Variants in COQ10B observed in about 807,000 individuals in gnomAD.
The protein encoded by COQ10B is coenzyme Q-binding protein COQ10 homolog B, mitochondrial.
COQ10B carries 12 observed loss-of-function variants against 27.6 expected under a neutral mutation model. That is an observed-to-expected ratio of 0.43 (90% confidence interval 0.28 to 0.70). COQ10B has a LOEUF of 0.70. COQ10B is among the 30% of genes least tolerant of loss of function. The pLI is 0.17. For missense variants in COQ10B, 278 were observed against 288.7 expected (o/e 0.96, Z 0.27); for synonymous variants, 115 against 103.0 (o/e 1.12, Z -0.71).
rs1235339781 is a variant in COQ10B, at chr2:197,463,725, G to A, written c.447+994G>A. On this transcript the variant is annotated intron_variant, in intron 3 of 4. Coordinates refer to ENST00000263960, the MANE Select transcript of COQ10B (RefSeq NM_025147.5). ...AGGTGGGTGGGTCACCCGAGGTCAG[G>A]AGCTTGAGATTAGCCTGGCCAACAT... Among the ~76,000 whole-genome samples, 5 of 150,598 alleles carry A rather than the reference G, an allele frequency of 3.3e-5. No homozygotes were observed. The Admixed American group carries it at 3.3e-4, about 10-fold the overall frequency.
chr2:197,473,210 C>T (rs2106060494), intron 4 of COQ10B, among the ~76,000 whole-genome samples: 1 of 151,370 alleles, frequency 6.6e-6, no homozygotes, highest in East Asian at 1.9e-4. Context: ...CCTTAGATAC[C>T]CAGTTCATAG....
At chr2:197,467,193 T>G (rs2085833446) in intron 3 of COQ10B, among the ~76,000 whole-genome samples, 1 of 152,062 alleles carries the variant, frequency 6.6e-6, no homozygotes, top group Non-Finnish European at 1.5e-5. Flanking sequence ...GTGATCTGCC[T>G]GCCTCGGCAT....
chr2:197,462,483 A>T (rs1273445732), intron 2 of COQ10B, 56 bp from the exon 3 acceptor site: 1 of 858,734 alleles, frequency 1.2e-6, no homozygotes, highest in Non-Finnish European at 1.8e-6. Context: ...TAAAGTATGC[A>T]TATATTATAT....
chr2:197,462,770 C>A, intron 3 of COQ10B, 39 bp downstream of exon 3: 2 of 1,212,298 alleles, frequency 1.6e-6, no homozygotes, highest in Non-Finnish European at 2.3e-6. Context: ...AATATTCTTC[C>A]ATATATTAAC....
chr2:197,468,847 A>G (rs2085851432), intron 3 of COQ10B, among the ~76,000 whole-genome samples: 1 of 152,102 alleles, frequency 6.6e-6, no homozygotes, highest in South Asian at 2.1e-4. Flanking sequence ...GGTCCCAGCT[A>G]CTTGGGAGGC....
rs184915731 is a variant in COQ10B at position 197,472,632 on chromosome 2, C to T, written c.550-1125C>T. Among the ~76,000 whole-genome samples the T allele has an allele frequency of 2.3e-3, 344 of 151,998 alleles. 6 individuals carry two copies. The highest frequency in any genetic ancestry group is 0.021 in the Admixed American group (315 of 15,244). On this transcript the variant is annotated intron_variant, in intron 4 of 4. Coordinates refer to ENST00000263960, the MANE Select transcript of COQ10B (RefSeq NM_025147.5). Reference sequence around the variant, plus strand: ...CAGCCTGGCCAACATGGTGAAACCCCGTCTCTACTGAAAATACAAAAATTA... The same window carrying T: ...CAGCCTGGCCAACATGGTGAAACCCTGTCTCTACTGAAAATACAAAAATTA...
At chr2:197,453,730 G>A in intron 1 of COQ10B, 66 bp downstream of exon 1, 3 of 1,364,938 alleles carry the variant, frequency 2.2e-6, no homozygotes, top group Non-Finnish European at 3.1e-6. Context: ...TTGGGGGACC[G>A]GAAGGATTTG....
At position 197,473,934 on chromosome 2, in the gene COQ10B, AG is replaced by A; in HGVS notation, c.*11del. 2.0e-6 allele frequency: 3 copies of A among 1,468,340 alleles called. No homozygotes were observed. Among genetic ancestry groups the A allele is most frequent in the Non-Finnish European group, 1.8e-6 (2 of 1,098,924 alleles). The allele number at this position is 1,468,340 out of a possible 1,614,324, so 91.0% of individuals were successfully genotyped here. A position where few individuals can be genotyped will look rare whatever the true frequency, so the allele number is the denominator to read the frequency against. On this transcript the variant is annotated 3_prime_UTR_variant, in exon 5 of 5. Coordinates refer to ENST00000263960, the MANE Select transcript of COQ10B (RefSeq NM_025147.5). ...AGTCCATCACACATAAAGGCAAAAAAGAACTGGTGCCACCTGCTTCTGACTT... is the reference window on the plus strand; with the variant it reads ...AGTCCATCACACATAAAGGCAAAAAAAACTGGTGCCACCTGCTTCTGACTT...
At position 197,462,527 on chromosome 2, in the gene COQ10B, TA is replaced by T; in HGVS notation, c.255-11del. 2 of 1,464,384 alleles carry T rather than the reference TA, an allele frequency of 1.4e-6. No homozygotes were observed. Among genetic ancestry groups the T allele is most frequent in the Non-Finnish European group, 1.9e-6 (2 of 1,070,238 alleles). The allele number at this position is 1,464,384 out of a possible 1,614,324, so 90.7% of individuals were successfully genotyped here. Reference sequence around the variant, plus strand: ...GGAGTTAACACCTCTTTTTTATTTTTATTTTTTAAAGATATTCAATGCAGGA... The same window carrying T: ...GGAGTTAACACCTCTTTTTTATTTTTTTTTTTAAAGATATTCAATGCAGGA... On this transcript the variant is annotated splice_polypyrimidine_tract_variant and intron_variant, in intron 2 of 4. Coordinates refer to ENST00000263960, the MANE Select transcript of COQ10B (RefSeq NM_025147.5).
chr2:197,460,786 T>C (rs1314862926), intron 2 of COQ10B, among the ~76,000 whole-genome samples: 1 of 152,212 alleles, frequency 6.6e-6, no homozygotes, highest in African/African-American at 2.4e-5. Context: ...TTGTGGGCCA[T>C]AGGGACTGCT....
At chr2:197,470,805 G>A (rs528364930) in intron 4 of COQ10B, among the ~76,000 whole-genome samples, 4 of 152,336 alleles carry the variant, frequency 2.6e-5, no homozygotes, top group Non-Finnish European at 2.9e-5. Context: ...TGAGACAGGA[G>A]AATCACTTGA....
chr2:197,461,586 TGTGTGTGTGA>T (rs992038636), intron 2 of COQ10B, among the ~76,000 whole-genome samples: 2 of 151,088 alleles, frequency 1.3e-5, no homozygotes, highest in African/African-American at 2.4e-5. Context: ...TGTGTGTGTG[TGTGTGTGTGA>T]GGGAGGGAGA....
intron 4 of COQ10B, among the ~76,000 whole-genome samples, chr2:197,473,508 G>A (rs1303442940): frequency 2.3e-4 from 26 of 114,108 alleles, no homozygotes; most frequent in South Asian, 1.4e-3. Flanking sequence ...ATATATATAC[G>A]TATATATATA....
intron 1 of COQ10B, among the ~76,000 whole-genome samples, chr2:197,458,738 T>C (rs2085726010): frequency 6.6e-6 from 1 of 151,446 alleles, no homozygotes; most frequent in Admixed American, 6.6e-5. Context: ...TAGAGTGTGG[T>C]TGCACAACTT....
chr2:197,473,413 A>ATATATATAT (rs1272008900), intron 4 of COQ10B, among the ~76,000 whole-genome samples: 8 of 58,628 alleles, frequency 1.4e-4, no homozygotes, highest in Non-Finnish European at 2.7e-4. Context: ...AAAAAAAAAA[A>ATATATATAT]AAATATATAT....
At chr2:197,471,720 T>C (rs2085879100) in intron 4 of COQ10B, among the ~76,000 whole-genome samples, 1 of 152,032 alleles carries the variant, frequency 6.6e-6, no homozygotes, top group Non-Finnish European at 1.5e-5. Context: ...GGCGGGCAGA[T>C]CACTTGAGGT....
chr2:197,473,434 A>ACATATATATATATG (rs2085902987), intron 4 of COQ10B, among the ~76,000 whole-genome samples: 1 of 109,212 alleles, frequency 9.2e-6, no homozygotes, highest in African/African-American at 3.2e-5. Context: ...ATATATATAT[A>ACATATATATATATG]TATATATACA....
At chr2:197,471,328 G>A (rs995049343) in intron 4 of COQ10B, among the ~76,000 whole-genome samples, 2 of 152,008 alleles carry the variant, frequency 1.3e-5, no homozygotes, top group Admixed American at 1.3e-4. Context: ...TCTATGTAGG[G>A]ATGGGGTTTT....
chr2:197,470,449 G>C (rs1433861589), intron 4 of COQ10B, among the ~76,000 whole-genome samples: 1 of 152,172 alleles, frequency 6.6e-6, no homozygotes, highest in Non-Finnish European at 1.5e-5. Context: ...CCAAATGAAA[G>C]AACACATTGC....
Sources: gnomAD v4.1 joint callset for allele counts (sites outside exome capture counted in the v4.1 genomes callset) on GRCh38, gnomAD v4.1.1 for gene constraint, MANE v1.5 for transcripts, NCBI Gene and HGNC (gene_info 2026-07-23, HGNC 2026-07-21) for gene names.